ANPEP: variants seen among roughly 807,000 people sequenced by gnomAD.
ANPEP encodes the protein aminopeptidase N.
In ANPEP, 70 loss-of-function variants were observed where a neutral mutation model predicts 114.6. The ratio of observed to expected loss-of-function variants is 0.61; its 90% CI spans 0.50 to 0.75. ANPEP has a LOEUF of 0.75. Ranked by LOEUF, ANPEP falls within the 30% of genes least tolerant of loss-of-function variation. The probability of loss-of-function intolerance (pLI) is 0.00; values close to 1 mark genes in which losing one functional copy is unlikely to be tolerated. For synonymous variants in ANPEP, 548 were observed against 522.3 expected (o/e 1.05, Z -0.67); for missense variants, 1,184 against 1,259.5 (o/e 0.94, Z 0.91).
chr15:89,803,389 C>A lies in ANPEP; in HGVS notation c.1503+53G>T, dbSNP rs905399653. ...GGTGGGCAGAGGCCCGGGTCAAGGG[C>A]GAGGGGCAGAAGGAGACCCACCCTC... On this transcript the variant is annotated intron_variant, in intron 9 of 20. Transcript: ENST00000300060. The surrounding 1 kb of genome is among the most constrained non-coding windows in gnomAD (Gnocchi z 4.2). The A allele has an allele frequency of 8.7e-6, 14 of 1,612,572 alleles. No individual in the cohort carries two copies. Among genetic ancestry groups the A allele is most frequent in the East Asian group, 4.5e-5 (2 of 44,882 alleles).
In ANPEP at chr15:89,804,418, G is replaced by A. The variant is rs375325431; in HGVS notation, c.1025-11C>T. 325 of 1,614,172 alleles carry A rather than the reference G, an allele frequency of 2.0e-4. 1 individual carries two copies. The South Asian group carries it at 2.2e-3, about 11-fold the overall frequency. On this transcript the variant is annotated splice_polypyrimidine_tract_variant and intron_variant, in intron 5 of 20. Coordinates refer to ENST00000300060, the MANE Select transcript of ANPEP (RefSeq NM_001150.3). ...GCAGGCCAATCTGGTCTGGGGAGGC[G>A]ATGCCATTGGCAGGATGAACTCCGG...
intron 18 of ANPEP, among the ~76,000 whole-genome samples, chr15:89,791,597 CTATT>C (rs1968627993): frequency 8.3e-6 from 1 of 121,140 alleles, no homozygotes; most frequent in Non-Finnish European, 1.7e-5. Context: ...GCCACCATGC[CTATT>C]TTTTTTTTTT....
chr15:89,799,207 G>T lies in ANPEP; in HGVS notation c.2009+53C>A. Reference sequence around the variant, plus strand: ...AGCAGGGGCCCTCATTGTGGACTCAGACTTGCTGAAGTCACGAGCTTCTGC... The same window carrying T: ...AGCAGGGGCCCTCATTGTGGACTCATACTTGCTGAAGTCACGAGCTTCTGC... On this transcript the variant is annotated intron_variant, in intron 14 of 20. Coordinates refer to ENST00000300060, the MANE Select transcript of ANPEP (RefSeq NM_001150.3). The surrounding 1 kb of genome is among the most constrained non-coding windows in gnomAD (Gnocchi z 4.2). 3 of 1,606,196 alleles carry T rather than the reference G, an allele frequency of 1.9e-6. No individual in the cohort carries two copies. Among genetic ancestry groups the T allele is most frequent in the South Asian group, 1.1e-5 (1 of 90,814 alleles).
chr15:89,789,893 C>T (rs1017047142), intron 20 of ANPEP, among the ~76,000 whole-genome samples: 1 of 151,318 alleles, frequency 6.6e-6, no homozygotes. Context: ...CCCATCTCTA[C>T]TAAAAATACA....
In ANPEP at chr15:89,793,233, G is replaced by C. The variant is rs147904048; in HGVS notation, c.2158-107C>G. The C allele has an allele frequency of 4.2e-4, 399 of 951,840 alleles. No individual in the cohort carries two copies. In the African/African-American group the frequency reaches 5.8e-3, roughly 14 times the overall value. The allele number at this position is 951,840 out of a possible 1,614,324, so 59.0% of individuals were successfully genotyped here. A position where few individuals can be genotyped will look rare whatever the true frequency, so the allele number is the denominator to read the frequency against. On this transcript the variant is annotated intron_variant, in intron 15 of 20. Transcript: ENST00000300060. ...GCAGGCGCTGGCAGAGACGTCAGAG[G>C]TCAGGGCCTCACCTGAGGCCAAACA...
At chr15:89,813,349 G>A (rs567615603) in intron 1 of ANPEP, among the ~76,000 whole-genome samples, 1 of 152,332 alleles carries the variant, frequency 6.6e-6, no homozygotes, top group African/African-American at 2.4e-5. Context: ...TTAGCTTAAA[G>A]GCTGTAGGGG....
intron 15 of ANPEP, among the ~76,000 whole-genome samples, chr15:89,794,348 G>A (rs1352457988): frequency 6.6e-6 from 1 of 152,130 alleles, no homozygotes; most frequent in African/African-American, 2.4e-5. Context: ...GCCAGGCATG[G>A]TGGCAGGCGC....
rs1022137130 is a variant in ANPEP at position 89,793,033 on chromosome 15, A to G, written c.2249+2T>C. ...TCCAAACCCATGAGAGCTCCCACTC[A>G]CTGGTCCATCAGGTTTTCTGGGATC... On this transcript the variant is annotated splice_donor_variant, in intron 16 of 20. Transcript: ENST00000300060. LOFTEE classifies it high-confidence loss of function. 6.2e-7 allele frequency: 1 copy of G among 1,613,334 alleles called. No individual in the cohort carries two copies.
rs1025408383 is a variant in ANPEP, at chr15:89,785,138, A to C, written c.*211T>G. 8 of 600,480 alleles carry C rather than the reference A, an allele frequency of 1.3e-5. No homozygotes were observed. In the African/African-American group the frequency reaches 1.5e-4, roughly 11 times the overall value. The allele number at this position is 600,480 out of a possible 1,614,324, so 37.2% of individuals were successfully genotyped here. A position where few individuals can be genotyped will look rare whatever the true frequency, so the allele number is the denominator to read the frequency against. On this transcript the variant is annotated 3_prime_UTR_variant, in exon 21 of 21. Coordinates refer to ENST00000300060, the MANE Select transcript of ANPEP (RefSeq NM_001150.3). ...ATGCCAGGCCTAGGGCGGGGTTGGC[A>C]TGAGGGGCAGGGGCTGGGAGGTGCT...
chr15:89,794,236 C>T (rs1968686541), intron 15 of ANPEP, among the ~76,000 whole-genome samples: 1 of 152,134 alleles, frequency 6.6e-6, no homozygotes, highest in Non-Finnish European at 1.5e-5. Context: ...GTAATCCCAG[C>T]ACTTTGGGAG....
At chr15:89,804,228 C>G in intron 6 of ANPEP, 25 bp downstream of exon 6, 1 of 1,613,368 alleles carries the variant, frequency 6.2e-7, no homozygotes, top group Non-Finnish European at 8.5e-7. Context: ...TTTCCTTCTC[C>G]GCACTCCCCG....
At chr15:89,788,614 T>G (rs1435700967) in intron 20 of ANPEP, among the ~76,000 whole-genome samples, 2 of 152,102 alleles carry the variant, frequency 1.3e-5, no homozygotes, top group African/African-American at 4.8e-5. Flanking sequence ...TGGTTTTGGT[T>G]TTTTGAGACA....
At chr15:89,796,677 A>G (rs1451266057) in intron 15 of ANPEP, among the ~76,000 whole-genome samples, 1 of 147,632 alleles carries the variant, frequency 6.8e-6, no homozygotes, top group East Asian at 2.1e-4. Flanking sequence ...TTTTTTTTTT[A>G]GTAGAGACGA....
chr15:89,811,402 T>A (rs1394061192), intron 1 of ANPEP, among the ~76,000 whole-genome samples: 1 of 152,038 alleles, frequency 6.6e-6, no homozygotes, highest in African/African-American at 2.4e-5. Context: ...ATCCCTGCAC[T>A]TCGGGAGGCT....
At chr15:89,790,085 T>A (rs8028356) in intron 20 of ANPEP, among the ~76,000 whole-genome samples, 7,885 of 79,674 alleles carry the variant, frequency 0.099, 479 homozygotes, top group African/African-American at 0.16. Flanking sequence ...ATAAAAAAAA[T>A]AAAAGAATGC....
Position 89,806,269 on chromosome 15 carries a change from G to T in ANPEP, c.315C>A (p.Gly105=), listed in dbSNP as rs1431630970. The T allele has an allele frequency of 6.2e-6, 10 of 1,614,022 alleles. No individual in the cohort carries two copies. The highest frequency in any genetic ancestry group is 5.3e-5 in the African/African-American group (4 of 74,906). ...TGCAGGTGAAACGGACGGTGCTGGA[G>T]CCCTTAAAAACGTACAGGCCCCTGT... is the stretch of plus-strand genomic sequence containing the variant. ...PNDRGLYVFK[G]SSTVRFTCKE... is the part of the protein sequence containing the mutation. Residue 105 remains glycine (G), a synonymous_variant, in exon 2 of 21, where the codon GGC becomes GGA. Coordinates refer to ENST00000300060, the MANE Select transcript of ANPEP (RefSeq NM_001150.3). The surrounding 1 kb of genome is among the most constrained non-coding windows in gnomAD (Gnocchi z 5.7).
chr15:89,785,536 G>C, intron 20 of ANPEP, 35 bp from the exon 21 acceptor site: 1 of 1,548,446 alleles, frequency 6.5e-7, no homozygotes, highest in South Asian at 1.1e-5. Flanking sequence ...AGTCCGGCTG[G>C]GTCCCTAACA....
In ANPEP at chr15:89,792,445, C is replaced by A. The variant is rs1596161799; in HGVS notation, c.2360+7G>T. ...ACTGGCAGAGGAGGCGCAGGGGAGA[C>A]ACTCACGGGTTATTATTGGGGTTCT... is the stretch of plus-strand genomic sequence containing the variant. On this transcript the variant is annotated splice_region_variant and intron_variant, in intron 17 of 20. Transcript: ENST00000300060. 6.2e-7 allele frequency: 1 copy of A among 1,613,840 alleles called. No homozygotes were observed. Among genetic ancestry groups the A allele is most frequent in the East Asian group, 2.2e-5 (1 of 44,868 alleles).
Position 89,785,278 on chromosome 15 carries a change from C to A in ANPEP, c.*71G>T. 2 of 1,591,562 alleles carry A rather than the reference C, an allele frequency of 1.3e-6. No homozygotes were observed. Among genetic ancestry groups the A allele is most frequent in the Non-Finnish European group, 1.7e-6 (2 of 1,163,546 alleles). ...GCCTCGGGCTCCAGGAATGGAGGCC[C>A]TGCACCAGCCGCTGGGATGGACACA... On this transcript the variant is annotated 3_prime_UTR_variant, in exon 21 of 21. Transcript: ENST00000300060.
Sources: allele counts gnomAD v4.1 joint callset (sites outside exome capture counted in the v4.1 genomes callset), GRCh38; gene constraint gnomAD v4.1.1; non-coding constraint Gnocchi (gnomAD v3.1); transcripts MANE v1.5; gene names NCBI Gene and HGNC (gene_info 2026-07-23, HGNC 2026-07-21).